IPMK: variants seen among roughly 807,000 people sequenced by gnomAD.
IPMK encodes the protein inositol 1,3,4,6-tetrakisphosphate 5-kinase.
IPMK carries 17 observed loss-of-function variants against 45.8 expected under a neutral mutation model. The observed-to-expected ratio is 0.37, with a 90% CI of 0.25 to 0.56. IPMK has a LOEUF of 0.56. Among genes scored for constraint, IPMK ranks in the 20% least tolerant of loss-of-function variants. The pLI is 0.79. For missense variants in IPMK, 399 were observed against 498.0 expected (o/e 0.80, Z 1.89); for synonymous variants, 180 against 184.3 (o/e 0.98, Z 0.19).
At chr10:58,229,528 A>C (rs2132160448) in intron 2 of IPMK, among the ~76,000 whole-genome samples, 1 of 142,028 alleles carries the variant, frequency 7.0e-6, no homozygotes. Context: ...GCGCCACTGC[A>C]CTCCAGCCTG....
chr10:58,203,143 A>G (rs994110346), intron 4 of IPMK, among the ~76,000 whole-genome samples: 1 of 152,142 alleles, frequency 6.6e-6, no homozygotes, highest in Non-Finnish European at 1.5e-5. Flanking sequence ...GTTAATTCCA[A>G]CCCTCATGGA....
chr10:58,213,775 T>C (rs1433564922), intron 4 of IPMK, among the ~76,000 whole-genome samples: 2 of 150,874 alleles, frequency 1.3e-5, no homozygotes, highest in East Asian at 1.9e-4. Context: ...AGGAGAGAGA[T>C]GGGTGCCATA....
chr10:58,212,626 G>T (rs1014902464), intron 4 of IPMK: 1 of 238,068 alleles, frequency 4.2e-6, no homozygotes. Context: ...ATGCCATCTG[G>T]ATTCATGTTT....
chr10:58,261,098 G>A (rs1321376453), intron 1 of IPMK, among the ~76,000 whole-genome samples: 1 of 58,454 alleles, frequency 1.7e-5, no homozygotes, highest in African/African-American at 7.3e-5. Context: ...AATATGCACG[G>A]CTGAGCTATA....
intron 1 of IPMK, 139 bp downstream of exon 1, chr10:58,267,283 G>A (rs904774841): frequency 1.6e-5 from 12 of 773,070 alleles, no homozygotes; most frequent in East Asian, 5.5e-5. Context: ...GGCTTCGGGG[G>A]ACAGCGGAAG....
chr10:58,255,564 A>T lies in IPMK; in HGVS notation c.190+11858T>A, dbSNP rs183669844. On this transcript the variant is annotated intron_variant, in intron 1 of 5. Coordinates refer to ENST00000373935, the MANE Select transcript of IPMK (RefSeq NM_152230.5). ...TGCTCTTGTCTTTGAATGGTTTCTA[A>T]TTGTATTTTTATGAAAGCAGTGAGG... Among the ~76,000 whole-genome samples the T allele has an allele frequency of 9.9e-5, 15 of 152,126 alleles. No homozygotes were observed. The East Asian group carries it at 2.9e-3, about 29-fold the overall frequency.
rs1421730407 is a variant in IPMK, at chr10:58,199,214, A to T, written c.628+26T>A. The T allele has an allele frequency of 3.5e-6, 5 of 1,431,700 alleles. No individual in the cohort carries two copies. In the Admixed American group the frequency reaches 9.2e-5, roughly 26 times the overall value. 88.7% of individuals were successfully genotyped at this position (1,431,700 alleles called of 1,614,324 possible). On this transcript the variant is annotated intron_variant, in intron 5 of 5. Transcript: ENST00000373935. The stretch of plus-strand genomic sequence containing the variant: ...AGAAGTCTTTTAACTGTTCAATCAT[A>T]AAAGCATTAGTTTTTTAGTCCTTAC...
intron 4 of IPMK, among the ~76,000 whole-genome samples, chr10:58,208,102 G>A (rs986592008): frequency 4.6e-5 from 7 of 151,930 alleles, no homozygotes; most frequent in South Asian, 2.1e-4. Context: ...CACCACGCCC[G>A]GCTAATTTTT....
chr10:58,197,353 A>ACATACATAC (rs1837916931), intron 5 of IPMK, among the ~76,000 whole-genome samples: 1 of 150,880 alleles, frequency 6.6e-6, no homozygotes, highest in African/African-American at 2.4e-5. Flanking sequence ...ACACATAAAT[A>ACATACATAC]AAAAATAGGA....
rs1480354197 is a variant in IPMK at position 58,193,086 on chromosome 10, C to T, written c.*2990G>A. The T allele has an allele frequency of 1.3e-5, 2 of 151,950 alleles. No individual in the cohort carries two copies. The highest frequency in any genetic ancestry group is 2.9e-5 in the Non-Finnish European group (2 of 67,854). 9.4% of individuals were successfully genotyped at this position (151,950 alleles called of 1,614,324 possible). On this transcript the variant is annotated 3_prime_UTR_variant, in exon 6 of 6. Coordinates refer to ENST00000373935, the MANE Select transcript of IPMK (RefSeq NM_152230.5). ...TGTTCTATCGTTTTCTTTCATCCTA[C>T]ATCTTCTATAATATTCCAACCCCTA...
At chr10:58,204,661 G>A (rs1005061181) in intron 4 of IPMK, among the ~76,000 whole-genome samples, 5 of 152,018 alleles carry the variant, frequency 3.3e-5, no homozygotes, top group Non-Finnish European at 5.9e-5. Flanking sequence ...TGGGTGTGAT[G>A]GTGTACACTT....
chr10:58,244,053 C>T (rs547342838), intron 1 of IPMK, among the ~76,000 whole-genome samples: 18 of 151,230 alleles, frequency 1.2e-4, no homozygotes, highest in Admixed American at 7.9e-4. Context: ...CACCTCTGCC[C>T]GGCCGCTCTT....
chr10:58,259,043 C>T (rs1040492808), intron 1 of IPMK, among the ~76,000 whole-genome samples: 3 of 152,114 alleles, frequency 2.0e-5, no homozygotes, highest in Non-Finnish European at 4.4e-5. Flanking sequence ...CAAAAAAGAA[C>T]TTTGTGGTGC....
chr10:58,219,095 T>C (rs1838292393), intron 3 of IPMK, among the ~76,000 whole-genome samples: 1 of 152,224 alleles, frequency 6.6e-6, no homozygotes, highest in Non-Finnish European at 1.5e-5. Context: ...TGGTTGGAAT[T>C]ACCAAATAAC....
At chr10:58,225,587 T>C (rs1838401362) in intron 3 of IPMK, among the ~76,000 whole-genome samples, 1 of 152,170 alleles carries the variant, frequency 6.6e-6, no homozygotes, top group Admixed American at 6.6e-5. Flanking sequence ...TTATGCTGTA[T>C]TTGCTAGTTA....
chr10:58,199,284 T>C lies in IPMK; in HGVS notation c.584A>G (p.Asn195Ser), dbSNP rs759785812. The change falls in exon 5 of 6, where the codon AAC (asparagine) becomes AGC (serine). Residue 195 changes from asparagine to serine, a missense_variant. Asn to Ser is a conservative substitution (Grantham distance 46). Around this residue, in one of 2 missense-constraint regions of IPMK, gnomAD observed 288 missense variants for 398.0 expected, o/e 0.72. Transcript: ENST00000373935. The part of the protein sequence containing the change: ...HVHSDSYETE[N>S]QHYGRSLTKE... ...TGTTAAGCTTCTTCCGTAATGCTGG[T>C]TTTCTGTCTCATAGCTATCGGAATG... 3.1e-6 allele frequency: 5 copies of C among 1,609,550 alleles called. No homozygotes were observed. The Admixed American group carries it at 6.7e-5, about 22-fold the overall frequency.
intron 1 of IPMK, among the ~76,000 whole-genome samples, chr10:58,246,338 A>G (rs1190500186): frequency 1.3e-5 from 2 of 148,462 alleles, no homozygotes; most frequent in African/African-American, 2.6e-5. Context: ...AAGAGTCCGC[A>G]TCGCCAAGTC....
chr10:58,206,983 G>GTA (rs59628756), intron 4 of IPMK, among the ~76,000 whole-genome samples: 22,635 of 150,156 alleles, frequency 0.15, 2,167 homozygotes, highest in African/African-American at 0.28. Context: ...AGTCCACCAT[G>GTA]TATATATATA....
intron 1 of IPMK, among the ~76,000 whole-genome samples, chr10:58,255,228 T>G (rs987729783): frequency 6.6e-6 from 1 of 152,228 alleles, no homozygotes; most frequent in Non-Finnish European, 1.5e-5. Context: ...TGACCCACTT[T>G]TGTTCCCAAT....
Sources: allele counts gnomAD v4.1 joint callset (sites outside exome capture counted in the v4.1 genomes callset), GRCh38; gene constraint gnomAD v4.1.1; regional missense constraint gnomAD v4.1.1; transcripts MANE v1.5; gene names NCBI Gene and HGNC (gene_info 2026-07-23, HGNC 2026-07-21).